Variants in ADAM19 observed in about 807,000 individuals in gnomAD.
The protein encoded by ADAM19 is ADAM metallopeptidase domain 19.
ADAM19 carries 65 observed loss-of-function variants against 114.7 expected under a neutral mutation model. The observed-to-expected ratio is 0.57, with a 90% CI of 0.46 to 0.70. ADAM19 has a LOEUF of 0.70. ADAM19 is among the 30% of genes least tolerant of loss of function. The pLI is 0.00. For missense variants in ADAM19, 1,063 were observed against 1,204.7 expected (o/e 0.88, Z 1.74); for synonymous variants, 466 against 460.5 (o/e 1.01, Z -0.15).
At chr5:157,526,114 G>T (rs1322342124) in intron 5 of ADAM19, among the ~76,000 whole-genome samples, 2 of 151,288 alleles carry the variant, frequency 1.3e-5, no homozygotes, top group South Asian at 2.1e-4. Flanking sequence ...ATACAAAACT[G>T]TATGCATAGG....
intron 3 of ADAM19, among the ~76,000 whole-genome samples, chr5:157,556,683 G>C (rs908200976): frequency 1.3e-5 from 2 of 152,204 alleles, no homozygotes; most frequent in South Asian, 2.1e-4. Flanking sequence ...AATGTAGTAA[G>C]AGGCAGGCAG....
At chr5:157,484,805 G>A (rs891157766) in intron 21 of ADAM19, among the ~76,000 whole-genome samples, 3 of 152,192 alleles carry the variant, frequency 2.0e-5, no homozygotes, top group African/African-American at 4.8e-5. Flanking sequence ...TGACAGCTGG[G>A]TGCAGATGTC....
intron 5 of ADAM19, among the ~76,000 whole-genome samples, chr5:157,524,766 TG>T (rs1161479402): frequency 1.3e-5 from 2 of 152,232 alleles, no homozygotes; most frequent in Non-Finnish European, 2.9e-5. Flanking sequence ...CCTAGCTGTG[TG>T]GTAAGTGATG....
At chr5:157,495,691 T>C (rs1038136802) in intron 14 of ADAM19, among the ~76,000 whole-genome samples, 6 of 152,170 alleles carry the variant, frequency 3.9e-5, no homozygotes, top group Non-Finnish European at 8.8e-5. Context: ...TGGAATGCAG[T>C]GGCACAATCT....
chr5:157,570,058 G>C lies in ADAM19; in HGVS notation c.180+837C>G, dbSNP rs1014630929. Among the ~76,000 whole-genome samples, 5 of 152,050 alleles carry C rather than the reference G, an allele frequency of 3.3e-5. No individual in the cohort carries two copies. In the South Asian group the frequency reaches 1.0e-3, roughly 32 times the overall value. ...GCGGATCACTTGAGGTCAGGAGTTC[G>C]AGACCACCCTGGACAACATGGTGAA... On this transcript the variant is annotated intron_variant, in intron 2 of 22. Transcript: ENST00000257527.
At position 157,572,698 on chromosome 5, in the gene ADAM19, CTAT is replaced by C. The variant is rs57968132; in HGVS notation, c.95-1721_95-1719del. ...TATCAAATATTTTCTGAGTACTTAACTATGTGCCAAGTACTATGCTATGAATAG... is the reference window on the plus strand; with the variant it reads ...TATCAAATATTTTCTGAGTACTTAACGTGCCAAGTACTATGCTATGAATAG... On this transcript the variant is annotated intron_variant, in intron 1 of 22. Transcript: ENST00000257527. 1.9e-3 allele frequency among the ~76,000 whole-genome samples: 286 copies of C among 152,286 alleles called. 3 individuals are homozygous for C. The highest frequency in any genetic ancestry group is 6.5e-3 in the African/African-American group (271 of 41,556).
rs774097075 is a variant in ADAM19 at position 157,478,799 on chromosome 5, C to T, written c.*2150G>A. On this transcript the variant is annotated 3_prime_UTR_variant, in exon 23 of 23. Coordinates refer to ENST00000257527, the MANE Select transcript of ADAM19 (RefSeq NM_033274.5). The stretch of plus-strand genomic sequence containing the variant: ...AAACAAAAAGCAAGAAAACGACAAC[C>T]CAGGTCTCTTTCTGGTGTGGTTCCA... The T allele has an allele frequency of 1.2e-5, 12 of 985,682 alleles. No homozygotes were observed. The highest frequency in any genetic ancestry group is 1.7e-5 in the African/African-American group (1 of 57,182). 61.1% of individuals were successfully genotyped at this position (985,682 alleles called of 1,614,324 possible).
intron 8 of ADAM19, among the ~76,000 whole-genome samples, chr5:157,511,966 G>C (rs774690468): frequency 1.3e-5 from 2 of 152,134 alleles, no homozygotes; most frequent in Non-Finnish European, 2.9e-5. Context: ...CCCACAGAGG[G>C]GATACCCAGC....
intron 1 of ADAM19, among the ~76,000 whole-genome samples, chr5:157,574,749 G>A (rs956666359): frequency 2.6e-5 from 4 of 152,214 alleles, no homozygotes; most frequent in Non-Finnish European, 5.9e-5. Context: ...GATGGAGCCG[G>A]GGAGGGGATT....
At chr5:157,487,706 C>T (rs1044734071) in intron 21 of ADAM19, among the ~76,000 whole-genome samples, 9 of 152,212 alleles carry the variant, frequency 5.9e-5, no homozygotes, top group African/African-American at 2.2e-4. Flanking sequence ...CCAGAGGCAC[C>T]TGCCCCTTGG....
intron 9 of ADAM19, among the ~76,000 whole-genome samples, chr5:157,507,448 T>C (rs1755782401): frequency 6.6e-6 from 1 of 152,224 alleles, no homozygotes. Flanking sequence ...CAAAGCTGCA[T>C]TGCATTCCTG....
intron 3 of ADAM19, among the ~76,000 whole-genome samples, chr5:157,560,774 G>A (rs1023181207): frequency 1.3e-5 from 2 of 152,218 alleles, no homozygotes; most frequent in Non-Finnish European, 2.9e-5. Context: ...GATTTTCCTC[G>A]TGGGAGGGAA....
At chr5:157,513,560 C>T in intron 7 of ADAM19, 55 bp from the exon 8 acceptor site, 1 of 1,489,732 alleles carries the variant, frequency 6.7e-7, no homozygotes, top group Non-Finnish European at 9.4e-7. Flanking sequence ...CAGGATGCTT[C>T]CTGCGCCCCA....
Position 157,489,088 on chromosome 5 carries a change from T to C in ADAM19, c.2325+14A>G, listed in dbSNP as rs1387402475. 1.2e-6 allele frequency: 2 copies of C among 1,611,478 alleles called. No homozygotes were observed. The highest frequency in any genetic ancestry group is 2.2e-5 in the South Asian group (2 of 90,970). On this transcript the variant is annotated intron_variant, in intron 20 of 22. Coordinates refer to ENST00000257527, the MANE Select transcript of ADAM19 (RefSeq NM_033274.5). ...AAGGAAAAGTAGCAAAGTTCAGTGG[T>C]GCAAAGCTCTTACCTTTCGCTTGCC...
chr5:157,495,075 C>T (rs530348133), intron 14 of ADAM19, among the ~76,000 whole-genome samples: 7 of 152,086 alleles, frequency 4.6e-5, no homozygotes, highest in South Asian at 4.2e-4. Context: ...TTGCATCCTC[C>T]GCCTCTTGGG....
chr5:157,489,374 A>C (rs773585387), intron 19 of ADAM19, among the ~76,000 whole-genome samples, 188 bp from the exon 20 acceptor site: 1 of 151,962 alleles, frequency 6.6e-6, no homozygotes, highest in Non-Finnish European at 1.5e-5. Flanking sequence ...CCAATGGAGA[A>C]CTCTCAAGGA....
rs11466818 is a variant in ADAM19, at chr5:157,479,062, T to C, written c.*1887A>G. 8.5e-4 allele frequency: 842 copies of C among 985,766 alleles called. 4 individuals carry two copies. Among genetic ancestry groups the C allele is most frequent in the Middle Eastern group, 2.1e-3 (4 of 1,914 alleles). 61.1% of individuals were successfully genotyped at this position (985,766 alleles called of 1,614,324 possible). A position where few individuals can be genotyped will look rare whatever the true frequency, so the allele number is the denominator to read the frequency against. ...GCCTTGAGGCAGAGGGTAGCACATT[T>C]AAATAAAAGGTTGGGCCACAGGAAA... On this transcript the variant is annotated 3_prime_UTR_variant, in exon 23 of 23. Transcript: ENST00000257527.
At chr5:157,575,490 C>T in intron 1 of ADAM19, 113 bp downstream of exon 1, 1 of 732,510 alleles carries the variant, frequency 1.4e-6, no homozygotes, top group Non-Finnish European at 2.0e-6. Flanking sequence ...GGGCGCAGGC[C>T]CCGCGGAGTT....
chr5:157,514,208 G>A (rs1412250835), intron 7 of ADAM19, among the ~76,000 whole-genome samples: 2 of 152,136 alleles, frequency 1.3e-5, no homozygotes, highest in Non-Finnish European at 2.9e-5. Flanking sequence ...CAACGAGGAG[G>A]ACCATAAGAC....
Sources: gnomAD v4.1 joint callset for allele counts (sites outside exome capture counted in the v4.1 genomes callset) on GRCh38, gnomAD v4.1.1 for gene constraint, MANE v1.5 for transcripts, NCBI Gene and HGNC (gene_info 2026-07-23, HGNC 2026-07-21) for gene names.